ZNF438: variants seen among roughly 807,000 people sequenced by gnomAD.
ZNF438 encodes zinc finger protein 438.
A neutral mutation model predicts 38.0 loss-of-function variants in ZNF438; 25 were observed. The ratio of observed to expected loss-of-function variants is 0.66; its 90% CI spans 0.48 to 0.92. The LOEUF (loss-of-function observed/expected upper bound fraction) is 0.92. ZNF438 is among the 40% of genes least tolerant of loss of function. The probability of loss-of-function intolerance (pLI) is 0.00; values close to 1 mark genes in which losing one functional copy is unlikely to be tolerated. For synonymous variants in ZNF438, 372 were observed against 364.1 expected (o/e 1.02, Z -0.25); for missense variants, 1,007 against 999.6 (o/e 1.01, Z -0.10).
At chr10:31,027,952 CATGTT>C (rs1165376530) in intron 1 of ZNF438, among the ~76,000 whole-genome samples, 4 of 152,106 alleles carry the variant, frequency 2.6e-5, no homozygotes, top group African/African-American at 9.7e-5. Context: ...TTGAAATACT[CATGTT>C]AGGAAGTAAC....
At chr10:30,896,988 A>G (rs947612784) in intron 3 of ZNF438, among the ~76,000 whole-genome samples, 1 of 152,222 alleles carries the variant, frequency 6.6e-6, no homozygotes, top group Non-Finnish European at 1.5e-5. Context: ...AGCATACTTG[A>G]CTTAAGCCAG....
In ZNF438 at chr10:31,006,491, CCTCT is replaced by C. The variant is rs1361560846; in HGVS notation, c.-192+25338_-192+25341del. On this transcript the variant is annotated intron_variant, in intron 1 of 5. Transcript: ENST00000413025. The stretch of plus-strand genomic sequence containing the variant: ...CCTTCCACATGCCTGGCCCTGTGCA[CCTCT>C]CTATCTGCATCCTTTGTAATACCCT... Among the ~76,000 whole-genome samples the C allele has an allele frequency of 3.3e-5, 5 of 152,276 alleles. No individual in the cohort carries two copies. The East Asian group carries it at 9.7e-4, about 29-fold the overall frequency.
chr10:30,853,526 G>A (rs1301480696), intron 4 of ZNF438, among the ~76,000 whole-genome samples: 2 of 152,182 alleles, frequency 1.3e-5, no homozygotes, highest in East Asian at 1.9e-4. Context: ...GGCTACTCCC[G>A]CCCACCCAAG....
At chr10:30,862,172 G>C (rs1160979983) in intron 4 of ZNF438, among the ~76,000 whole-genome samples, 1 of 152,246 alleles carries the variant, frequency 6.6e-6, no homozygotes, top group South Asian at 2.1e-4. Context: ...TCTGACATTT[G>C]CCGAGTCAGC....
At chr10:30,926,452 A>G (rs1478577163) in intron 2 of ZNF438, among the ~76,000 whole-genome samples, 1 of 152,088 alleles carries the variant, frequency 6.6e-6, no homozygotes, top group African/African-American at 2.4e-5. Context: ...TGGATCACAA[A>G]GTCAGGAGTT....
intron 1 of ZNF438, among the ~76,000 whole-genome samples, chr10:30,946,919 T>C (rs754288881): frequency 5.3e-4 from 81 of 152,218 alleles, no homozygotes; most frequent in Non-Finnish European, 1.0e-3. Flanking sequence ...GTGTTTAAAA[T>C]ATGCACATTT....
At chr10:30,891,963 GA>G (rs2040744567) in intron 3 of ZNF438, among the ~76,000 whole-genome samples, 1 of 152,096 alleles carries the variant, frequency 6.6e-6, no homozygotes, top group African/African-American at 2.4e-5. Flanking sequence ...TTTCAAAAAA[GA>G]ATTGCATTAT....
chr10:30,895,938 T>C (rs12254641), intron 3 of ZNF438, among the ~76,000 whole-genome samples: 65,111 of 152,082 alleles, frequency 0.43, 14,413 homozygotes, highest in Non-Finnish European at 0.47. Flanking sequence ...GAATACTGTA[T>C]AGCAGTACCT....
intron 4 of ZNF438, among the ~76,000 whole-genome samples, chr10:30,855,270 A>T (rs2034421887): frequency 6.6e-6 from 1 of 152,172 alleles, no homozygotes; most frequent in South Asian, 2.1e-4. Flanking sequence ...GGGCAACCTG[A>T]AGTGACAGAG....
In ZNF438 at chr10:30,988,198, A is replaced by T. The variant is rs951853565; in HGVS notation, c.-192+43635T>A. ...TACATATTAAACTATTACAAAATAA[A>T]ATTTAATAGAATTTGCTTTGAACTT... is the stretch of plus-strand genomic sequence containing the variant. On this transcript the variant is annotated intron_variant, in intron 1 of 5. Coordinates refer to ENST00000413025, the Ensembl canonical transcript of ZNF438. Among the ~76,000 whole-genome samples, 3 of 152,170 alleles carry T rather than the reference A, an allele frequency of 2.0e-5. No individual in the cohort carries two copies. The East Asian group carries it at 5.8e-4, about 29-fold the overall frequency.
At chr10:30,849,818 T>A (rs200603286) in exon 5 of ZNF438, 2 of 1,614,142 alleles carry the variant, frequency 1.2e-6, no homozygotes, top group Non-Finnish European at 1.7e-6. Flanking sequence ...GTCACTTCCA[T>A]TGGTCAGCGC....
At chr10:30,924,979 T>G (rs577600474) in intron 2 of ZNF438, among the ~76,000 whole-genome samples, 12 of 152,350 alleles carry the variant, frequency 7.9e-5, no homozygotes, top group Non-Finnish European at 1.6e-4. Context: ...TTTTTAAATT[T>G]TCTGTTTTGT....
intron 1 of ZNF438, among the ~76,000 whole-genome samples, chr10:31,030,100 A>G (rs1157562728): frequency 6.6e-6 from 1 of 152,206 alleles, no homozygotes; most frequent in Non-Finnish European, 1.5e-5. Context: ...AGTGCCTTAC[A>G]TATGGTAAGC....
At chr10:30,961,115 C>T (rs1258280611) in intron 1 of ZNF438, among the ~76,000 whole-genome samples, 3 of 142,632 alleles carry the variant, frequency 2.1e-5, no homozygotes, top group Non-Finnish European at 4.7e-5. Context: ...TCTTATCTTA[C>T]CAGATTTATC....
At chr10:30,982,206 A>G (rs1402537574) in intron 1 of ZNF438, among the ~76,000 whole-genome samples, 1 of 150,344 alleles carries the variant, frequency 6.7e-6, no homozygotes, top group African/African-American at 2.5e-5. Flanking sequence ...GGTTCACACC[A>G]TTCTCCTGCC....
intron 1 of ZNF438, among the ~76,000 whole-genome samples, chr10:31,025,355 G>A (rs948512863): frequency 1.3e-5 from 2 of 152,202 alleles, no homozygotes; most frequent in East Asian, 1.9e-4. Context: ...GATGCTAGGA[G>A]TAATGTCCCC....
intron 4 of ZNF438, among the ~76,000 whole-genome samples, chr10:30,867,094 C>T (rs2994661): frequency 0.77 from 117,823 of 152,046 alleles, 46,438 homozygotes; most frequent in African/African-American, 0.89. Context: ...ATCTGACAAA[C>T]TTTGGCATAG....
At chr10:31,014,895 G>C (rs1218175010) in intron 1 of ZNF438, among the ~76,000 whole-genome samples, 1 of 151,786 alleles carries the variant, frequency 6.6e-6, no homozygotes. Context: ...TAGAGACAGA[G>C]TCTCACTCTG....
At chr10:30,985,931 T>C (rs2052731395) in intron 1 of ZNF438, among the ~76,000 whole-genome samples, 1 of 152,220 alleles carries the variant, frequency 6.6e-6, no homozygotes, top group Non-Finnish European at 1.5e-5. Context: ...ACTGCATATA[T>C]GATGGAGGTG....
Sources: allele counts gnomAD v4.1 joint callset (sites outside exome capture counted in the v4.1 genomes callset), GRCh38; gene constraint gnomAD v4.1.1; transcripts MANE v1.5; gene names NCBI Gene and HGNC (gene_info 2026-07-23, HGNC 2026-07-21).